The following IAPP variants were observed in gnomAD, a reference collection of about 807,000 sequenced individuals.
IAPP encodes islet amyloid polypeptide.
Under a neutral mutation model 2.9 loss-of-function variants are expected in IAPP, and 4 were observed. The ratio of observed to expected loss-of-function variants is 1.39; its 90% CI spans 0.69 to 3.19. IAPP has a LOEUF of 3.19. IAPP is among the 30% of genes most tolerant of loss of function. The pLI is 0.01. For missense variants in IAPP, 114 were observed against 105.3 expected (o/e 1.08, Z -0.36); for synonymous variants, 40 against 42.1 (o/e 0.95, Z 0.19).
chr12:21,377,522 C>T (rs1759973316), intron 2 of IAPP, among the ~76,000 whole-genome samples: 1 of 152,180 alleles, frequency 6.6e-6, no homozygotes, highest in Admixed American at 6.6e-5. Flanking sequence ...AGTCATCTTG[C>T]TTGACTGAAG....
At chr12:21,363,040 C>T (rs550233362) in intron 1 of IAPP, among the ~76,000 whole-genome samples, 1 of 152,128 alleles carries the variant, frequency 6.6e-6, no homozygotes, top group Non-Finnish European at 1.5e-5. Flanking sequence ...CTGCACCAAG[C>T]GGACCTAATA....
intron 2 of IAPP, among the ~76,000 whole-genome samples, chr12:21,376,839 T>C (rs376237483): frequency 1.7e-4 from 26 of 152,258 alleles, no homozygotes; most frequent in African/African-American, 5.8e-4. Flanking sequence ...TTTTTAGCCC[T>C]ATAACTATTT....
intron 1 of IAPP, among the ~76,000 whole-genome samples, chr12:21,357,016 A>G (rs907417235): frequency 6.6e-6 from 1 of 152,206 alleles, no homozygotes; most frequent in African/African-American, 2.4e-5. Context: ...AGTAAAAGAA[A>G]TAATTTCACT....
In IAPP at chr12:21,378,263, A is replaced by G. The variant is rs2137113837; in HGVS notation, c.107A>G (p.Asn36Ser). The G allele has an allele frequency of 2.5e-6, 4 of 1,614,250 alleles. No individual in the cohort carries two copies. Among genetic ancestry groups the G allele is most frequent in the Non-Finnish European group, 3.4e-6 (4 of 1,180,042 alleles). The part of the protein sequence containing the change: ...ESHQVEKRKC[N>S]TATCATQRLA... ...CATCAGGTGGAAAAGCGGAAATGCAACACTGCCACATGTGCAACGCAGCGC... is the reference window on the plus strand; with the variant it reads ...CATCAGGTGGAAAAGCGGAAATGCAGCACTGCCACATGTGCAACGCAGCGC... Residue 36 changes from asparagine to serine, a missense_variant, in exon 3 of 3, where the codon AAC becomes AGC. By Grantham distance (46) the Asn-to-Ser change is conservative (BLOSUM62 1). Coordinates refer to ENST00000240652, the MANE Select transcript of IAPP (RefSeq NM_000415.3).
At position 21,373,359 on chromosome 12, in the gene IAPP, T is replaced by C; in HGVS notation, c.8T>C (p.Ile3Thr). The change falls in exon 2 of 3, where the codon ATC becomes ACC. Residue 3 changes from isoleucine to threonine, a missense_variant. By Grantham distance (89) the Ile-to-Thr change is moderately conservative (BLOSUM62 -1). Coordinates refer to ENST00000240652, the MANE Select transcript of IAPP (RefSeq NM_000415.3). MG[I>T]LKLQVFLIVL... is the part of the protein sequence containing the mutation. ...CAGAAAATTTGAGAAGCAATGGGCA[T>C]CCTGAAGCTGCAAGTATTTCTCATT... The C allele has an allele frequency of 1.2e-6, 2 of 1,612,074 alleles. No individual in the cohort carries two copies. Among genetic ancestry groups the C allele is most frequent in the Non-Finnish European group, 1.7e-6 (2 of 1,178,308 alleles).
At chr12:21,360,606 G>C (rs1187485728) in intron 1 of IAPP, among the ~76,000 whole-genome samples, 1 of 152,206 alleles carries the variant, frequency 6.6e-6, no homozygotes, top group Non-Finnish European at 1.5e-5. Flanking sequence ...CACCCAGGAA[G>C]CACAAGGGGT....
At chr12:21,373,459 T>C (rs1939950254) in intron 2 of IAPP, 28 bp downstream of exon 2, 6 of 1,471,310 alleles carry the variant, frequency 4.1e-6, no homozygotes, top group Non-Finnish European at 5.7e-6. Context: ...CCTGTTTCTT[T>C]GTAACTTTTG....
upstream of IAPP, among the ~76,000 whole-genome samples, chr12:21,369,640 T>G (rs1484087495): frequency 6.6e-6 from 1 of 152,216 alleles, no homozygotes; most frequent in Non-Finnish European, 1.5e-5. Flanking sequence ...TTTCTCCAAC[T>G]GTAGTGTGTA....
In IAPP at chr12:21,356,664, A is replaced by G. The variant is rs1412652884; in HGVS notation, c.-16+1651A>G. Among the ~76,000 whole-genome samples, 5 of 152,184 alleles carry G rather than the reference A, an allele frequency of 3.3e-5. No individual in the cohort carries two copies. The East Asian group carries it at 5.8e-4, about 18-fold the overall frequency. On this transcript the variant is annotated intron_variant, in intron 1 of 2. Transcript: ENST00000539393. ...AAAGATATGAGTGTTATACATTTCT[A>G]TGCACCCAATGAGTAAAACAACTTC... is the stretch of plus-strand genomic sequence containing the variant.
intron 1 of IAPP, among the ~76,000 whole-genome samples, chr12:21,355,763 A>G (rs1427378476): frequency 6.6e-6 from 1 of 152,210 alleles, no homozygotes; most frequent in African/African-American, 2.4e-5. Context: ...GAAACAAAAT[A>G]CAGATTAAGT....
intron 2 of IAPP, 176 bp downstream of exon 2, chr12:21,373,607 T>C (rs1422606358): frequency 1.4e-6 from 1 of 701,714 alleles, no homozygotes; most frequent in Non-Finnish European, 2.6e-6. Context: ...ATAACACCAG[T>C]GGCAAATAAA....
At chr12:21,367,047 A>T (rs1159303686) in intron 1 of IAPP, among the ~76,000 whole-genome samples, 2 of 152,136 alleles carry the variant, frequency 1.3e-5, no homozygotes, top group Non-Finnish European at 2.9e-5. Flanking sequence ...ACCAAAGCAT[A>T]TCAGCCTGAA....
intron 1 of IAPP, among the ~76,000 whole-genome samples, chr12:21,363,444 G>A (rs528125831): frequency 1.3e-5 from 2 of 152,282 alleles, no homozygotes; most frequent in South Asian, 2.1e-4. Context: ...GACAAAGCAG[G>A]AGAGATCTTA....
intron 2 of IAPP, chr12:21,376,308 A>G (rs1290752982): frequency 8.5e-6 from 3 of 351,866 alleles, no homozygotes; most frequent in South Asian, 2.1e-5. Context: ...ATTTTCCTTT[A>G]TTACTTTTTT....
At chr12:21,363,351 A>T (rs934159475) in intron 1 of IAPP, among the ~76,000 whole-genome samples, 1 of 152,208 alleles carries the variant, frequency 6.6e-6, no homozygotes, top group African/African-American at 2.4e-5. Flanking sequence ...AACGAATGAG[A>T]ACAAAGACAC....
intron 1 of IAPP, among the ~76,000 whole-genome samples, chr12:21,359,741 C>T (rs1220731611): frequency 2.2e-5 from 3 of 134,316 alleles, no homozygotes; most frequent in Admixed American, 7.2e-5. Flanking sequence ...AGCGAGACTC[C>T]GTCTTAAAAA....
intron 1 of IAPP, among the ~76,000 whole-genome samples, chr12:21,365,204 G>C (rs1408325139): frequency 1.3e-5 from 2 of 152,096 alleles, no homozygotes; most frequent in Non-Finnish European, 2.9e-5. Context: ...CAGAGATATA[G>C]ACCAATGGAA....
At chr12:21,374,419 T>C (rs1940035440) in intron 2 of IAPP, 1 of 152,168 alleles carries the variant, frequency 6.6e-6, no homozygotes, top group Admixed American at 6.5e-5. Flanking sequence ...AGTGTGCATG[T>C]CATATTATAA....
At chr12:21,364,421 A>T (rs1157823422) in intron 1 of IAPP, among the ~76,000 whole-genome samples, 3 of 152,234 alleles carry the variant, frequency 2.0e-5, no homozygotes. Flanking sequence ...TCTATTTATG[A>T]CAAACCCACA....
Sources: allele counts gnomAD v4.1 joint callset (sites outside exome capture counted in the v4.1 genomes callset), GRCh38; gene constraint gnomAD v4.1.1; transcripts MANE v1.5; gene names NCBI Gene and HGNC (gene_info 2026-07-23, HGNC 2026-07-21).